The following SMAP1 variants were observed in gnomAD, a reference collection of about 807,000 sequenced individuals.
SMAP1 encodes the protein stromal membrane-associated protein 1.
In SMAP1, 24 loss-of-function variants were observed where a neutral mutation model predicts 58.5. The ratio of observed to expected loss-of-function variants is 0.41; its 90% CI spans 0.30 to 0.58. The LOEUF is 0.58. Among genes scored for constraint, SMAP1 ranks in the 20% least tolerant of loss-of-function variants. The probability of loss-of-function intolerance (pLI) is 0.29; values close to 1 mark genes in which losing one functional copy is unlikely to be tolerated. For missense variants in SMAP1, 563 were observed against 566.3 expected (o/e 0.99, Z 0.06); for synonymous variants, 216 against 196.6 (o/e 1.10, Z -0.82).
At chr6:70,860,129 T>A (rs2150017675) in intron 10 of SMAP1, 71 bp from the exon 11 acceptor site, 1 of 1,491,010 alleles carries the variant, frequency 6.7e-7, no homozygotes, top group Middle Eastern at 1.8e-4. Flanking sequence ...AATGACCAAC[T>A]GTGTGGCTAA....
intron 6 of SMAP1, among the ~76,000 whole-genome samples, chr6:70,818,046 C>G (rs1247908692): frequency 6.6e-6 from 1 of 152,094 alleles, no homozygotes; most frequent in African/African-American, 2.4e-5. Flanking sequence ...CCCATTTCTC[C>G]ATTATTTTCA....
At chr6:70,779,471 T>A (rs180721664) in intron 4 of SMAP1, among the ~76,000 whole-genome samples, 186 of 152,250 alleles carry the variant, frequency 1.2e-3, no homozygotes, top group Non-Finnish European at 1.8e-3. Context: ...AGGCAGCTCC[T>A]TATACTAGAC....
At chr6:70,671,010 C>T (rs543604589) in intron 1 of SMAP1, among the ~76,000 whole-genome samples, 2 of 152,324 alleles carry the variant, frequency 1.3e-5, no homozygotes, top group South Asian at 4.1e-4. Context: ...GATGGAACTA[C>T]TCCTCCTCTC....
At chr6:70,761,457 G>A (rs929278000) in intron 3 of SMAP1, among the ~76,000 whole-genome samples, 1 of 152,004 alleles carries the variant, frequency 6.6e-6, no homozygotes, top group African/African-American at 2.4e-5. Flanking sequence ...GTATAACTAA[G>A]TCCTTATATC....
chr6:70,747,405 G>C (rs546640630), intron 2 of SMAP1, among the ~76,000 whole-genome samples: 57 of 152,152 alleles, frequency 3.7e-4, no homozygotes, highest in Non-Finnish European at 7.4e-4. Context: ...GCAGTTATAT[G>C]TGTCAGAGGA....
chr6:70,828,767 G>A (rs1409716583), intron 6 of SMAP1, among the ~76,000 whole-genome samples: 1 of 152,188 alleles, frequency 6.6e-6, no homozygotes, highest in Non-Finnish European at 1.5e-5. Context: ...TTCCCACTCA[G>A]TGTTCTTCAC....
intron 4 of SMAP1, among the ~76,000 whole-genome samples, chr6:70,778,562 T>C (rs1767634813): frequency 6.6e-6 from 1 of 152,242 alleles, no homozygotes; most frequent in South Asian, 2.1e-4. Flanking sequence ...TAAATCCCAG[T>C]TGATCATGAG....
chr6:70,850,831 C>CTA (rs1771155809), intron 7 of SMAP1, among the ~76,000 whole-genome samples: 3 of 151,980 alleles, frequency 2.0e-5, no homozygotes, highest in Non-Finnish European at 4.4e-5. Context: ...TTATAATGTA[C>CTA]TATACATCAT....
chr6:70,823,265 G>A (rs967329466), intron 6 of SMAP1, among the ~76,000 whole-genome samples: 2 of 152,140 alleles, frequency 1.3e-5, no homozygotes, highest in Admixed American at 1.3e-4. Flanking sequence ...ATATTTCGGG[G>A]GAGGGGAAGT....
chr6:70,692,775 A>G (rs112485387), intron 1 of SMAP1, among the ~76,000 whole-genome samples: 2,665 of 151,992 alleles, frequency 0.018, 34 homozygotes, highest in Non-Finnish European at 0.024. Context: ...CCATTTGTCT[A>G]TGTGTCTATT....
chr6:70,762,384 C>T (rs1201784328), intron 3 of SMAP1, among the ~76,000 whole-genome samples: 1 of 152,118 alleles, frequency 6.6e-6, no homozygotes, highest in Non-Finnish European at 1.5e-5. Context: ...AAGCCTAAAA[C>T]ATTTACTTTC....
At position 70,797,702 on chromosome 6, in the gene SMAP1, C is replaced by G. The variant is rs546968579; in HGVS notation, c.496-955C>G. Among the ~76,000 whole-genome samples the G allele has an allele frequency of 2.6e-5, 4 of 152,126 alleles. No homozygotes were observed. In the South Asian group the frequency reaches 8.3e-4, roughly 32 times the overall value. On this transcript the variant is annotated intron_variant, in intron 5 of 10. Transcript: ENST00000370455. ...CTTTGACAGAGGTTGCATCAGACAC[C>G]ATTTTAAAGGCATAGGTACAAATGC...
chr6:70,726,766 G>A (rs1040156825), intron 1 of SMAP1, among the ~76,000 whole-genome samples: 1 of 151,602 alleles, frequency 6.6e-6, no homozygotes, highest in Admixed American at 6.6e-5. Flanking sequence ...ACTTAATAGT[G>A]ATTTATCAGT....
At chr6:70,724,162 TG>T (rs1171014590) in intron 1 of SMAP1, among the ~76,000 whole-genome samples, 2 of 151,610 alleles carry the variant, frequency 1.3e-5, no homozygotes, top group African/African-American at 2.4e-5. Context: ...TTGTTGTTGT[TG>T]TTTTTTTGTT....
At chr6:70,734,281 G>A (rs1418034626) in intron 2 of SMAP1, among the ~76,000 whole-genome samples, 1 of 152,028 alleles carries the variant, frequency 6.6e-6, no homozygotes, top group Non-Finnish European at 1.5e-5. Flanking sequence ...AAGTAGCTGG[G>A]ATTACAGGTG....
At chr6:70,711,970 A>G (rs761878306) in intron 1 of SMAP1, among the ~76,000 whole-genome samples, 2 of 152,168 alleles carry the variant, frequency 1.3e-5, no homozygotes, top group African/African-American at 4.8e-5. Context: ...TCTGTGTTCA[A>G]TAGAAGTGGT....
chr6:70,815,277 A>AT (rs1293631839), intron 6 of SMAP1, among the ~76,000 whole-genome samples: 1 of 152,188 alleles, frequency 6.6e-6, no homozygotes. Context: ...TTAAAGTCTA[A>AT]TTTATTTGAA....
intron 6 of SMAP1, among the ~76,000 whole-genome samples, chr6:70,812,984 T>G (rs1415206036): frequency 1.3e-5 from 2 of 152,096 alleles, no homozygotes; most frequent in Non-Finnish European, 2.9e-5. Context: ...TTTTCCCTTA[T>G]TATAAAAACT....
At position 70,667,930 on chromosome 6, in the gene SMAP1, G is replaced by C. The variant is rs868833541; in HGVS notation, c.-94G>C. ...CGCTTCCTGGGCTGAGTCCGCCCGC[G>C]GTCCCGGCGGCGCCAGGTGCGTTCA... On this transcript the variant is annotated 5_prime_UTR_variant, in exon 1 of 11. Transcript: ENST00000370455. 9.3e-7 allele frequency: 1 copy of C among 1,075,976 alleles called. No homozygotes were observed. Among genetic ancestry groups the C allele is most frequent in the Middle Eastern group, 3.0e-4 (1 of 3,376 alleles). 66.7% of individuals were successfully genotyped at this position (1,075,976 alleles called of 1,614,324 possible). A position where few individuals can be genotyped will look rare whatever the true frequency, so the allele number is the denominator to read the frequency against.
Sources: gnomAD v4.1 joint callset for allele counts (sites outside exome capture counted in the v4.1 genomes callset) on GRCh38, gnomAD v4.1.1 for gene constraint, MANE v1.5 for transcripts, NCBI Gene and HGNC (gene_info 2026-07-23, HGNC 2026-07-21) for gene names.